Variants in FRRS1 observed in about 807,000 individuals in gnomAD.
FRRS1 encodes ferric reductase 1.
A neutral mutation model predicts 70.7 loss-of-function variants in FRRS1; 51 were observed. That is an observed-to-expected ratio of 0.72 (90% CI 0.58 to 0.91). The LOEUF (loss-of-function observed/expected upper bound fraction) is 0.91. Among genes scored for constraint, FRRS1 ranks in the 40% least tolerant of loss-of-function variants. The pLI, the probability that FRRS1 is intolerant of heterozygous loss-of-function variation, is 0.00. For missense variants in FRRS1, 672 were observed against 726.0 expected (o/e 0.93, Z 0.86); for synonymous variants, 225 against 238.7 (o/e 0.94, Z 0.53).
At chr1:99,741,766 G>A (rs1655976845) in intron 5 of FRRS1, among the ~76,000 whole-genome samples, 2 of 152,150 alleles carry the variant, frequency 1.3e-5, no homozygotes, top group South Asian at 2.1e-4. Flanking sequence ...AGTATTAATT[G>A]ATAGCTCTTA....
Position 99,707,761 on chromosome 1 carries a change from CA to C in FRRS1, c.*1266del, listed in dbSNP as rs1466351584. Among the ~76,000 whole-genome samples the C allele has an allele frequency of 1.3e-5, 2 of 152,130 alleles. No individual in the cohort carries two copies. Among genetic ancestry groups the C allele is most frequent in the African/African-American group, 2.4e-5 (1 of 41,414 alleles). On this transcript the variant is annotated 3_prime_UTR_variant, in exon 17 of 17. Coordinates refer to ENST00000646001, the MANE Select transcript of FRRS1 (RefSeq NM_001361041.2). The stretch of plus-strand genomic sequence containing the variant: ...GCGCCACCCACTGGCTAGAAGTCCT[CA>C]TAGCACATATGAGATGTAGCCATAA...
At chr1:99,748,159 G>T in intron 3 of FRRS1, 1 of 116,898 alleles carries the variant, frequency 8.6e-6, no homozygotes, top group Non-Finnish European at 1.5e-5. Context: ...TTCTAGAGTT[G>T]CAAAAAATAG....
At chr1:99,749,793 G>C (rs1163406976) in intron 1 of FRRS1, among the ~76,000 whole-genome samples, 1 of 152,138 alleles carries the variant, frequency 6.6e-6, no homozygotes, top group Non-Finnish European at 1.5e-5. Context: ...TTGTAGCCCA[G>C]ATCAACCACT....
rs1315699245 is a variant in FRRS1, at chr1:99,706,185, G to A, written c.*2843C>T. ...GGGGATTGCTTGAGCCCAGGAGTTC[G>A]AGATCAGCCTGGGCAACAAAGGGAG... On this transcript the variant is annotated 3_prime_UTR_variant, in exon 17 of 17. Transcript: ENST00000646001. Among the ~76,000 whole-genome samples, 3 of 150,490 alleles carry A rather than the reference G, an allele frequency of 2.0e-5. No individual in the cohort carries two copies. Among genetic ancestry groups the A allele is most frequent in the Non-Finnish European group, 2.9e-5 (2 of 67,840 alleles).
In FRRS1 at chr1:99,747,378, AG is replaced by A. The variant is rs1557703191; in HGVS notation, c.248del (p.Ala83ValfsTer4). On this transcript the variant is annotated frameshift_variant, in exon 4 of 17. Coordinates refer to ENST00000646001, the MANE Select transcript of FRRS1 (RefSeq NM_001361041.2). LOFTEE classifies it high-confidence loss of function. Reference protein sequence around the residue: ...FKGFLLEARNAEDLNGPPIGS... With the variant: ...FKGFLLEARNXEDLNGPPIGS... ...CAATAGGAGGGCCATTCAGATCCTC[AG>A]CATTACGCGCTTCTAGGAGAAAGCC... is the stretch of plus-strand genomic sequence containing the variant. 2 of 1,613,680 alleles carry A rather than the reference AG, an allele frequency of 1.2e-6. No individual in the cohort carries two copies. Among genetic ancestry groups the A allele is most frequent in the Non-Finnish European group, 1.7e-6 (2 of 1,179,548 alleles).
intron 9 of FRRS1, among the ~76,000 whole-genome samples, chr1:99,727,959 C>T (rs139224807): frequency 5.3e-5 from 8 of 152,328 alleles, no homozygotes; most frequent in Admixed American, 1.3e-4. Context: ...ACCACACCAG[C>T]AAGGCAGTGT....
intron 1 of FRRS1, among the ~76,000 whole-genome samples, chr1:99,763,427 G>A (rs1343625502): frequency 6.6e-6 from 1 of 152,172 alleles, no homozygotes; most frequent in Non-Finnish European, 1.5e-5. Flanking sequence ...ATGCAAAAGA[G>A]TAATAATATC....
chr1:99,750,078 C>A (rs935832588), intron 1 of FRRS1, among the ~76,000 whole-genome samples: 23 of 152,156 alleles, frequency 1.5e-4, no homozygotes, highest in African/African-American at 4.6e-4. Context: ...GCCTAACCTG[C>A]TGGGGTTTTA....
chr1:99,738,380 T>C, intron 6 of FRRS1, 112 bp from the exon 7 acceptor site: 1 of 631,326 alleles, frequency 1.6e-6, no homozygotes. Flanking sequence ...TTAATGAGAA[T>C]ACCTTTCCAT....
intron 1 of FRRS1, among the ~76,000 whole-genome samples, chr1:99,758,672 G>A (rs1485343571): frequency 6.6e-6 from 1 of 152,126 alleles, no homozygotes; most frequent in African/African-American, 2.4e-5. Flanking sequence ...CTGATTTTTA[G>A]GGAACAAGGG....
intron 15 of FRRS1, among the ~76,000 whole-genome samples, chr1:99,710,210 C>A (rs12117081): frequency 0.13 from 20,099 of 151,996 alleles, 2,845 homozygotes; most frequent in African/African-American, 0.36. Context: ...ACACAAAGGA[C>A]ATTTAGCCTA....
intron 7 of FRRS1, among the ~76,000 whole-genome samples, chr1:99,732,249 GA>G (rs1387269434): frequency 6.6e-6 from 1 of 152,142 alleles, no homozygotes; most frequent in Admixed American, 6.5e-5. Context: ...CCTCAAGTTT[GA>G]AAGCATAAAA....
Position 99,757,373 on chromosome 1 carries a change from G to A in FRRS1, c.-105-8372C>T, listed in dbSNP as rs189156969. ...CCTTGAATCAAATTCTAAATTAAGA[G>A]TATCAAGAATTTCAGTAAAAAAGAA... On this transcript the variant is annotated intron_variant, in intron 1 of 16. Coordinates refer to ENST00000646001, the MANE Select transcript of FRRS1 (RefSeq NM_001361041.2). Among the ~76,000 whole-genome samples, 3 of 152,204 alleles carry A rather than the reference G, an allele frequency of 2.0e-5. 1 individual carries two copies. The highest frequency in any genetic ancestry group is 2.0e-4 in the Admixed American group (3 of 15,300).
At position 99,709,035 on chromosome 1, in the gene FRRS1, T is replaced by C. The variant is rs781084028; in HGVS notation, c.1772A>G (p.His591Arg). Residue 591 changes from histidine to arginine, a missense_variant, in exon 17 of 17, where the codon CAT (histidine) becomes CGT (arginine). By Grantham distance (29) the His-to-Arg change is conservative. Coordinates refer to ENST00000646001, the MANE Select transcript of FRRS1 (RefSeq NM_001361041.2). ...FLIIFLSAIN[H>R]L ...GCCAAGGTCTTTGCTTGCTCATAGATGGTTGATTGCAGATAAAAATATGAT... is the reference window on the plus strand; with the variant it reads ...GCCAAGGTCTTTGCTTGCTCATAGACGGTTGATTGCAGATAAAAATATGAT... The C allele has an allele frequency of 1.1e-5, 18 of 1,613,844 alleles. No individual in the cohort carries two copies. The South Asian group carries it at 1.6e-4, about 15-fold the overall frequency.
chr1:99,758,894 G>C lies in FRRS1; in HGVS notation c.-106+7713C>G, dbSNP rs60355644. ...CGCTCTGGGAATGTCTGTCTTATGG[G>C]GTTGAGATAAGGACTGAGATACGCC... On this transcript the variant is annotated intron_variant, in intron 1 of 16. Transcript: ENST00000646001. Among the ~76,000 whole-genome samples, 1,378 of 152,200 alleles carry C rather than the reference G, an allele frequency of 9.1e-3. 145 individuals carry two copies. The East Asian group carries it at 0.23, about 25-fold the overall frequency.
intron 1 of FRRS1, among the ~76,000 whole-genome samples, chr1:99,756,847 T>C (rs1416229): frequency 0.49 from 75,125 of 151,930 alleles, 22,587 homozygotes; most frequent in African/African-American, 0.85. Context: ...TAAATTAAAG[T>C]ATCAAAGGAG....
intron 14 of FRRS1, 31 bp from the exon 15 acceptor site, chr1:99,710,980 A>G (rs1269103774): frequency 1.3e-5 from 21 of 1,592,928 alleles, no homozygotes; most frequent in Non-Finnish European, 1.8e-5. Flanking sequence ...TTACATTCAA[A>G]TGTAGTCCCA....
chr1:99,715,761 G>C, intron 11 of FRRS1, 89 bp from the exon 12 acceptor site: 1 of 844,466 alleles, frequency 1.2e-6, no homozygotes, highest in South Asian at 1.5e-5. Flanking sequence ...AAAGACTATG[G>C]GGTAAGATTC....
chr1:99,745,941 G>A (rs778976336), intron 4 of FRRS1, among the ~76,000 whole-genome samples: 1 of 152,132 alleles, frequency 6.6e-6, no homozygotes, highest in Non-Finnish European at 1.5e-5. Context: ...GTCTGCTCCG[G>A]CTTCAGCTTC....
Sources: gnomAD v4.1 joint callset for allele counts (sites outside exome capture counted in the v4.1 genomes callset) on GRCh38, gnomAD v4.1.1 for gene constraint, MANE v1.5 for transcripts, NCBI Gene and HGNC (gene_info 2026-07-23, HGNC 2026-07-21) for gene names.